Variants in LIN7A observed in about 807,000 individuals in gnomAD.
LIN7A encodes the protein lin-7 cell polarity scaffold A.
In LIN7A, 25 loss-of-function variants were observed where a neutral mutation model predicts 29.8. The ratio of observed to expected loss-of-function variants is 0.84; its 90% CI spans 0.61 to 1.17. The LOEUF (loss-of-function observed/expected upper bound fraction) is 1.17, where lower values mean the gene tolerates loss of function less well. Among genes scored for constraint, LIN7A ranks in the 50% most tolerant of loss-of-function variants. The pLI is 0.00. For missense variants in LIN7A, 239 were observed against 287.0 expected (o/e 0.83, Z 1.21); for synonymous variants, 118 against 107.5 (o/e 1.10, Z -0.60).
At chr12:80,819,279 T>C (rs1871683583) in intron 4 of LIN7A, among the ~76,000 whole-genome samples, 1 of 152,252 alleles carries the variant, frequency 6.6e-6, no homozygotes, top group South Asian at 2.1e-4. Context: ...TTATGATGTT[T>C]CATCTTTCCC....
chr12:80,928,473 C>T (rs1877724518), intron 1 of LIN7A, among the ~76,000 whole-genome samples: 1 of 152,066 alleles, frequency 6.6e-6, no homozygotes, highest in Non-Finnish European at 1.5e-5. Flanking sequence ...ATTCACGTGT[C>T]TGTTGGCTGC....
chr12:80,923,815 C>A (rs147851056), intron 1 of LIN7A, among the ~76,000 whole-genome samples: 1 of 152,158 alleles, frequency 6.6e-6, no homozygotes, highest in African/African-American at 2.4e-5. Flanking sequence ...AAGAATCAAC[C>A]AGACCGAGCT....
At chr12:80,798,389 G>A (rs1018592775) in intron 5 of LIN7A, among the ~76,000 whole-genome samples, 1 of 152,012 alleles carries the variant, frequency 6.6e-6, no homozygotes, top group African/African-American at 2.4e-5. Context: ...GCACCATATT[G>A]AAAACAGATT....
intron 1 of LIN7A, among the ~76,000 whole-genome samples, chr12:80,890,829 C>T (rs1264188387): frequency 6.6e-6 from 1 of 152,098 alleles, no homozygotes; most frequent in Non-Finnish European, 1.5e-5. Context: ...GATACTCTAC[C>T]TAGGCTGCAG....
At chr12:80,881,674 C>G (rs1050483991) in intron 2 of LIN7A, among the ~76,000 whole-genome samples, 1 of 151,902 alleles carries the variant, frequency 6.6e-6, no homozygotes, top group Non-Finnish European at 1.5e-5. Flanking sequence ...TATGTTTGCT[C>G]TTACTTAACC....
At chr12:80,859,575 G>A (rs564935415) in intron 2 of LIN7A, among the ~76,000 whole-genome samples, 1 of 152,236 alleles carries the variant, frequency 6.6e-6, no homozygotes, top group African/African-American at 2.4e-5. Context: ...ATCTATTTAT[G>A]TCATTTATAA....
intron 1 of LIN7A, among the ~76,000 whole-genome samples, chr12:80,913,179 C>T (rs1383764281): frequency 7.9e-5 from 12 of 152,202 alleles, no homozygotes; most frequent in Admixed American, 7.9e-4. Context: ...AATGCATCTA[C>T]ATATTTTGCT....
chr12:80,935,815 G>T, intron 1 of LIN7A: 1 of 498,702 alleles, frequency 2.0e-6, no homozygotes, highest in Non-Finnish European at 4.3e-6. Context: ...GACAAGTAGA[G>T]TTTGGCTGTG....
chr12:80,887,291 T>C (rs1230244322), intron 2 of LIN7A, among the ~76,000 whole-genome samples: 1 of 152,134 alleles, frequency 6.6e-6, no homozygotes, highest in Non-Finnish European at 1.5e-5. Flanking sequence ...TCACTACTTT[T>C]TCACTAGTCT....
intron 2 of LIN7A, among the ~76,000 whole-genome samples, chr12:80,880,519 A>C (rs1874967880): frequency 6.6e-6 from 1 of 152,202 alleles, no homozygotes; most frequent in African/African-American, 2.4e-5. Context: ...AATTATTTTA[A>C]CAGAGCAGGC....
chr12:80,877,936 C>A (rs1874799095), intron 2 of LIN7A, among the ~76,000 whole-genome samples: 1 of 151,492 alleles, frequency 6.6e-6, no homozygotes, highest in Non-Finnish European at 1.5e-5. Flanking sequence ...GTCCTGTGAT[C>A]TCAACAGAAG....
chr12:80,904,987 T>A lies in LIN7A; in HGVS notation c.83-15618A>T, dbSNP rs186004224. On this transcript the variant is annotated intron_variant, in intron 1 of 5. Coordinates refer to ENST00000552864, the MANE Select transcript of LIN7A (RefSeq NM_004664.4). ...CATCTTTTGCTCCATGATCATTTAC[T>A]TATTATTACTTGCTTTTATCTGTAT... Among the ~76,000 whole-genome samples the A allele has an allele frequency of 5.9e-5, 9 of 152,270 alleles. No homozygotes were observed. The East Asian group carries it at 1.7e-3, about 29-fold the overall frequency.
At chr12:80,937,552 G>C (rs193138207) in intron 1 of LIN7A, 89 bp downstream of exon 1, 2 of 932,072 alleles carry the variant, frequency 2.1e-6, no homozygotes, top group Non-Finnish European at 3.0e-6. Flanking sequence ...CTGCCTGAGC[G>C]CGTCCCATGT....
intron 2 of LIN7A, among the ~76,000 whole-genome samples, chr12:80,886,778 C>A (rs983853166): frequency 2.6e-5 from 4 of 152,080 alleles, no homozygotes. Flanking sequence ...ACCCACTTTA[C>A]CATAGGAAGA....
intron 1 of LIN7A, among the ~76,000 whole-genome samples, chr12:80,905,594 T>C (rs767970623): frequency 6.6e-6 from 1 of 152,168 alleles, no homozygotes; most frequent in Non-Finnish European, 1.5e-5. Context: ...GAGAAACTGG[T>C]TGAATTGCTA....
At chr12:80,843,510 A>G (rs1418150944) in intron 4 of LIN7A, among the ~76,000 whole-genome samples, 1 of 152,170 alleles carries the variant, frequency 6.6e-6, no homozygotes, top group Non-Finnish European at 1.5e-5. Flanking sequence ...ATGCTTATAT[A>G]TGTAGCAGAG....
At chr12:80,813,262 C>T (rs1031350543) in intron 4 of LIN7A, among the ~76,000 whole-genome samples, 16 of 152,174 alleles carry the variant, frequency 1.1e-4, no homozygotes, top group Non-Finnish European at 2.2e-4. Context: ...CCGCCCACCT[C>T]GGCCTCCCAA....
chr12:80,812,058 T>C (rs1442765383), intron 4 of LIN7A, among the ~76,000 whole-genome samples: 2 of 152,150 alleles, frequency 1.3e-5, no homozygotes, highest in African/African-American at 2.4e-5. Context: ...CTGTATCAGA[T>C]ATTAAAATTT....
chr12:80,836,747 T>G (rs1459651510), intron 4 of LIN7A, among the ~76,000 whole-genome samples: 1 of 152,196 alleles, frequency 6.6e-6, no homozygotes, highest in Non-Finnish European at 1.5e-5. Context: ...CTTTCCCCTC[T>G]GTAACACTTA....
Sources: gnomAD v4.1 joint callset for allele counts (sites outside exome capture counted in the v4.1 genomes callset) on GRCh38, gnomAD v4.1.1 for gene constraint, MANE v1.5 for transcripts, NCBI Gene and HGNC (gene_info 2026-07-23, HGNC 2026-07-21) for gene names.